Variants in CSMD3 observed in about 807,000 individuals in gnomAD.
The protein encoded by CSMD3 is CUB and sushi domain-containing protein 3.
In CSMD3, 177 loss-of-function variants were observed where a neutral mutation model predicts 435.2. The observed-to-expected ratio is 0.41, with a 90% CI of 0.36 to 0.46. The LOEUF is 0.46. Among genes scored for constraint, CSMD3 ranks in the 20% least tolerant of loss-of-function variants. The pLI, the probability that CSMD3 is intolerant of heterozygous loss-of-function variation, is 0.34. For synonymous variants in CSMD3, 1,656 were observed against 1,520.5 expected (o/e 1.09, Z -2.07); for missense variants, 4,265 against 4,504.6 (o/e 0.95, Z 1.52).
chr8:112,960,041 A>G (rs1182555176), intron 7 of CSMD3, among the ~76,000 whole-genome samples: 1 of 151,884 alleles, frequency 6.6e-6, no homozygotes, highest in Non-Finnish European at 1.5e-5. Flanking sequence ...GACTAATGTC[A>G]TCAGAATTAT....
In CSMD3 at chr8:112,686,533, C is replaced by T. The variant is rs1400294892; in HGVS notation, c.2156-801G>A. 6.1e-5 allele frequency among the ~76,000 whole-genome samples: 9 copies of T among 148,738 alleles called. No individual in the cohort carries two copies. In the South Asian group the frequency reaches 6.3e-4, roughly 10 times the overall value. On this transcript the variant is annotated intron_variant, in intron 14 of 70. Transcript: ENST00000297405. ...ACGGAGTCTCATTTTGTTGCCCAGG[C>T]TGGAGTGCAGTGGCACCATCTAGGC...
chr8:112,741,805 A>AT (rs2077315889), intron 13 of CSMD3, among the ~76,000 whole-genome samples: 1 of 151,770 alleles, frequency 6.6e-6, no homozygotes, highest in Non-Finnish European at 1.5e-5. Context: ...AGATAGATAG[A>AT]TAGATAGATA....
chr8:112,996,853 C>A (rs2085671729), intron 6 of CSMD3, among the ~76,000 whole-genome samples: 1 of 151,520 alleles, frequency 6.6e-6, no homozygotes, highest in Non-Finnish European at 1.5e-5. Context: ...AAATACCAAT[C>A]AAGAGAAAAA....
rs182423657 is a variant in CSMD3 at position 113,216,608 on chromosome 8, C to A, written c.515-42692G>T. On this transcript the variant is annotated intron_variant, in intron 3 of 70. Coordinates refer to ENST00000297405, the MANE Select transcript of CSMD3 (RefSeq NM_198123.2). ...CAGAAACAATTTAAAAGTGGACAAA[C>A]AATATAAGTCAAGGTTTTCAGGATT... 6.6e-5 allele frequency among the ~76,000 whole-genome samples: 10 copies of A among 151,906 alleles called. No individual in the cohort carries two copies. In the East Asian group the frequency reaches 1.7e-3, roughly 27 times the overall value.
In CSMD3 at chr8:112,335,246, G is replaced by A. The variant is rs2130945380; in HGVS notation, c.7165+83C>T. 4 of 1,317,858 alleles carry A rather than the reference G, an allele frequency of 3.0e-6. No homozygotes were observed. In the South Asian group the frequency reaches 3.7e-5, roughly 12 times the overall value. 81.6% of individuals were successfully genotyped at this position (1,317,858 alleles called of 1,614,324 possible). A position where few individuals can be genotyped will look rare whatever the true frequency, so the allele number is the denominator to read the frequency against. ...AAATTTTAATACCTTTTCAATCATTGGTTAAATATATATTACATTCACTTT... is the reference window on the plus strand; with the variant it reads ...AAATTTTAATACCTTTTCAATCATTAGTTAAATATATATTACATTCACTTT... On this transcript the variant is annotated intron_variant, in intron 45 of 70. Transcript: ENST00000297405.
At chr8:112,303,181 T>C (rs897684067) in intron 52 of CSMD3, among the ~76,000 whole-genome samples, 1 of 152,138 alleles carries the variant, frequency 6.6e-6, no homozygotes, top group Non-Finnish European at 1.5e-5. Context: ...TTATTCTTTT[T>C]AAACAATAAT....
chr8:112,945,157 A>G (rs1235823983), intron 9 of CSMD3, among the ~76,000 whole-genome samples: 1 of 151,640 alleles, frequency 6.6e-6, no homozygotes, highest in Non-Finnish European at 1.5e-5. Context: ...TTGAAAATTG[A>G]GCCTCATCCT....
intron 1 of CSMD3, among the ~76,000 whole-genome samples, chr8:113,351,421 T>C (rs1202267949): frequency 6.6e-6 from 1 of 152,110 alleles, no homozygotes; most frequent in Non-Finnish European, 1.5e-5. Context: ...TAGATAATTC[T>C]AAACTGTTAT....
chr8:112,705,494 G>A (rs2076480302), intron 13 of CSMD3, among the ~76,000 whole-genome samples: 1 of 151,812 alleles, frequency 6.6e-6, no homozygotes, highest in Non-Finnish European at 1.5e-5. Context: ...CATTTCTTGA[G>A]GACTCTCATG....
intron 1 of CSMD3, among the ~76,000 whole-genome samples, chr8:113,332,994 G>A (rs570862851): frequency 6.6e-6 from 1 of 151,796 alleles, no homozygotes; most frequent in African/African-American, 2.4e-5. Flanking sequence ...CATTTGATTT[G>A]AGTGTGGGGG....
In CSMD3 at chr8:112,261,953, C is replaced by T. The variant is rs551842909; in HGVS notation, c.9862+1686G>A. 2.6e-5 allele frequency among the ~76,000 whole-genome samples: 4 copies of T among 151,122 alleles called. No homozygotes were observed. The East Asian group carries it at 7.7e-4, about 29-fold the overall frequency. On this transcript the variant is annotated intron_variant, in intron 61 of 70. Coordinates refer to ENST00000297405, the MANE Select transcript of CSMD3 (RefSeq NM_198123.2). ...ATATTCTAAATATTGTCATTGTTTT[C>T]ACACATATTGATTACATTGTACAAG...
chr8:112,712,647 G>A (rs777235269), intron 13 of CSMD3, among the ~76,000 whole-genome samples: 6 of 152,190 alleles, frequency 3.9e-5, no homozygotes, highest in African/African-American at 4.8e-5. Context: ...CTTAAGGATC[G>A]AGGCATTAAG....
chr8:112,644,733 T>A (rs141705794), intron 20 of CSMD3, among the ~76,000 whole-genome samples: 1 of 152,066 alleles, frequency 6.6e-6, no homozygotes, highest in Non-Finnish European at 1.5e-5. Context: ...GCTTTAAAAA[T>A]TGGCTTAGCA....
rs545264840 is a variant in CSMD3 at position 112,413,351 on chromosome 8, A to T, written c.5396-4319T>A. Among the ~76,000 whole-genome samples the T allele has an allele frequency of 2.0e-5, 3 of 152,330 alleles. No individual in the cohort carries two copies. The South Asian group carries it at 6.2e-4, about 32-fold the overall frequency. On this transcript the variant is annotated intron_variant, in intron 32 of 70. Coordinates refer to ENST00000297405, the MANE Select transcript of CSMD3 (RefSeq NM_198123.2). ...CATTGACTGAGAAAGTTTGCATAAC[A>T]TAAATTTTCATTTAACTGTTTCAAT...
At chr8:113,069,256 A>G (rs1252231119) in intron 5 of CSMD3, among the ~76,000 whole-genome samples, 3 of 152,110 alleles carry the variant, frequency 2.0e-5, no homozygotes, top group Admixed American at 6.6e-5. Context: ...ACTCCATTCT[A>G]TAGAAATCCT....
chr8:113,003,918 A>C (rs1477466129), intron 6 of CSMD3, among the ~76,000 whole-genome samples: 1 of 152,030 alleles, frequency 6.6e-6, no homozygotes, highest in Admixed American at 6.6e-5. Context: ...GCCTTACCGG[A>C]TTAAAAAAAA....
At chr8:112,696,051 A>G (rs2076247001) in intron 13 of CSMD3, among the ~76,000 whole-genome samples, 1 of 152,210 alleles carries the variant, frequency 6.6e-6, no homozygotes, top group Admixed American at 6.5e-5. Context: ...AAGGAGAACT[A>G]CAAACCACTG....
At chr8:113,213,971 AT>A (rs2092870321) in intron 3 of CSMD3, among the ~76,000 whole-genome samples, 2 of 152,098 alleles carry the variant, frequency 1.3e-5, no homozygotes, top group African/African-American at 4.8e-5. Flanking sequence ...TACAGTGACA[AT>A]AAAAATCCCT....
At chr8:112,449,456 C>G (rs547824427) in intron 32 of CSMD3, among the ~76,000 whole-genome samples, 96 of 152,010 alleles carry the variant, frequency 6.3e-4, no homozygotes, top group African/African-American at 2.3e-3. Flanking sequence ...TGACAGGAGC[C>G]TGATGATGAA....
Sources: allele counts gnomAD v4.1 joint callset (sites outside exome capture counted in the v4.1 genomes callset), GRCh38; gene constraint gnomAD v4.1.1; transcripts MANE v1.5; gene names NCBI Gene and HGNC (gene_info 2026-07-23, HGNC 2026-07-21).